Variants in EVC2 observed in about 807,000 individuals in gnomAD.
EVC2 encodes the protein EvC ciliary complex subunit 2.
EVC2 carries 148 observed loss-of-function variants against 149.3 expected under a neutral mutation model. That is an observed-to-expected ratio of 0.99 (90% CI 0.87 to 1.14). The LOEUF (loss-of-function observed/expected upper bound fraction) is 1.14, where lower values mean the gene tolerates loss of function less well. EVC2 is among the 50% of genes most tolerant of loss of function. The pLI is 0.00. For synonymous variants in EVC2, 776 were observed against 649.9 expected (o/e 1.19, Z -2.95); for missense variants, 1,854 against 1,627.3 (o/e 1.14, Z -2.40).
intron 8 of EVC2, among the ~76,000 whole-genome samples, chr4:5,664,388 G>A (rs1248713961): frequency 6.6e-6 from 1 of 152,144 alleles, no homozygotes; most frequent in Non-Finnish European, 1.5e-5. Flanking sequence ...GGGTCTTCAC[G>A]CCTTAAATCA....
rs1013386235 is a variant in EVC2 at position 5,591,370 on chromosome 4, A to T, written c.2830-6520T>A. Among the ~76,000 whole-genome samples, 4 of 152,192 alleles carry T rather than the reference A, an allele frequency of 2.6e-5. No individual in the cohort carries two copies. The East Asian group carries it at 7.7e-4, about 29-fold the overall frequency. ...TCTCCTTCCCAAATTTATGAACATCATCATGCTTCAGCTGACAGAAGTCTT... is the reference window on the plus strand; with the variant it reads ...TCTCCTTCCCAAATTTATGAACATCTTCATGCTTCAGCTGACAGAAGTCTT... On this transcript the variant is annotated intron_variant, in intron 16 of 21. Coordinates refer to ENST00000344408, the MANE Select transcript of EVC2 (RefSeq NM_147127.5).
the EVC2 span, among the ~76,000 whole-genome samples, chr4:5,535,648 C>T: frequency 5.9e-5 from 6 of 101,546 alleles, no homozygotes; most frequent in African/African-American, 2.4e-4. The surrounding 1 kb of genome is among the most constrained non-coding windows in gnomAD (Gnocchi z 4.7). Context: ...AGATAATCTC[C>T]TGTTCTTCCT....
chr4:5,587,471 G>A (rs533717749), intron 16 of EVC2, among the ~76,000 whole-genome samples: 1 of 152,254 alleles, frequency 6.6e-6, no homozygotes, highest in East Asian at 1.9e-4. Flanking sequence ...ATATTCCATT[G>A]GATGGACAAT....
rs145453790 is a variant in EVC2, at chr4:5,572,534, T to G, written c.3360+2151A>C. ...AAGGATGCAGCAACAATGCACCATCTTGGAAGCAGAGAGCAGTTCTCACCA... is the reference window on the plus strand; with the variant it reads ...AAGGATGCAGCAACAATGCACCATCGTGGAAGCAGAGAGCAGTTCTCACCA... On this transcript the variant is annotated intron_variant, in intron 19 of 21. Transcript: ENST00000344408. 2.1e-3 allele frequency among the ~76,000 whole-genome samples: 322 copies of G among 152,278 alleles called. No homozygotes were observed. The Middle Eastern group carries it at 0.024, about 11-fold the overall frequency.
chr4:5,685,523 C>A, intron 5 of EVC2, 44 bp from the exon 6 acceptor site: 1 of 1,562,504 alleles, frequency 6.4e-7, no homozygotes. Context: ...GGCTTGGCCA[C>A]GCCCCCGGCT....
Position 5,622,588 on chromosome 4 carries a change from G to A in EVC2, c.2450C>T (p.Ala817Val). The A allele has an allele frequency of 1.9e-6, 3 of 1,613,918 alleles. No individual in the cohort carries two copies. The highest frequency in any genetic ancestry group is 1.3e-5 in the African/African-American group (1 of 74,968). ...RQRLKDDAPE[A>V]VTEEQAELRR... Reference sequence around the variant, plus strand: ...CAGCTCTGCCTGCTCCTCTGTCACGGCCTCAGGAGCGTCATCCTTCAGTCT... The same window carrying A: ...CAGCTCTGCCTGCTCCTCTGTCACGACCTCAGGAGCGTCATCCTTCAGTCT... Residue 817 changes from alanine (A) to valine (V), a missense_variant, in exon 14 of 22, where the codon GCC becomes GTC. By Grantham distance (64) the Ala-to-Val change is moderately conservative. Transcript: ENST00000344408. The surrounding 1 kb of genome is among the most constrained non-coding windows in gnomAD (Gnocchi z 5.8).
intron 9 of EVC2, among the ~76,000 whole-genome samples, chr4:5,644,267 T>C (rs184669671): frequency 1.3e-5 from 2 of 152,314 alleles, no homozygotes; most frequent in African/African-American, 2.4e-5. Flanking sequence ...CCTTTAAAAA[T>C]TGAGACAAAA....
chr4:5,689,460 T>G (rs2151732078), intron 4 of EVC2, 117 bp from the exon 5 acceptor site: 2 of 1,024,624 alleles, frequency 2.0e-6, no homozygotes, highest in Non-Finnish European at 3.0e-6. Context: ...GGTAGCACGG[T>G]CTCGCAGAGG....
intron 16 of EVC2, among the ~76,000 whole-genome samples, chr4:5,603,969 C>T (rs1714192570): frequency 6.6e-6 from 1 of 152,184 alleles, no homozygotes; most frequent in Non-Finnish European, 1.5e-5. Context: ...TAGCCGAATG[C>T]AGGGATGGAC....
At chr4:5,541,230 G>A (rs1252292148), downstream of EVC2, among the ~76,000 whole-genome samples, 1 of 152,132 alleles carries the variant, frequency 6.6e-6, no homozygotes, top group African/African-American at 2.4e-5. Context: ...CTGCCTAGGA[G>A]GTGCCAGGCA....
At chr4:5,652,092 C>T (rs1156757311) in intron 9 of EVC2, among the ~76,000 whole-genome samples, 2 of 152,204 alleles carry the variant, frequency 1.3e-5, no homozygotes, top group African/African-American at 2.4e-5. Flanking sequence ...CAACCGAGTT[C>T]ACTGAAAAGG....
intron 17 of EVC2, among the ~76,000 whole-genome samples, chr4:5,583,368 A>G (rs1711972919): frequency 6.6e-6 from 1 of 152,198 alleles, no homozygotes; most frequent in African/African-American, 2.4e-5. Flanking sequence ...GCATGATAAA[A>G]TGAGTTGAGG....
chr4:5,650,072 G>A (rs1478360200), intron 9 of EVC2, among the ~76,000 whole-genome samples: 2 of 152,108 alleles, frequency 1.3e-5, no homozygotes, highest in Non-Finnish European at 2.9e-5. Flanking sequence ...ATCTTTCTTC[G>A]CTGACAATTT....
At chr4:5,631,580 T>C (rs1716538214) in intron 11 of EVC2, among the ~76,000 whole-genome samples, 1 of 149,856 alleles carries the variant, frequency 6.7e-6, no homozygotes, top group African/African-American at 2.4e-5. Context: ...GGGGGGGAAC[T>C]GAAATTCCAA....
chr4:5,535,601 A>AAGAGAGAGAGAGAGAGAG, the EVC2 span, among the ~76,000 whole-genome samples: 2,824 of 117,694 alleles, frequency 0.024, 32 homozygotes, highest in East Asian at 0.065. The surrounding 1 kb of genome is among the most constrained non-coding windows in gnomAD (Gnocchi z 4.7). Context: ...CATGCTTAGA[A>AAGAGAGAGAGAGAGAGAG]AGAGAGAGAG....
chr4:5,684,707 A>G (rs1720575296), intron 6 of EVC2, among the ~76,000 whole-genome samples: 1 of 152,180 alleles, frequency 6.6e-6, no homozygotes, highest in Non-Finnish European at 1.5e-5. Context: ...GTGTTTCCCA[A>G]AATTTATATG....
downstream of EVC2, among the ~76,000 whole-genome samples, chr4:5,562,111 G>C (rs1290699573): frequency 6.6e-6 from 1 of 152,216 alleles, no homozygotes; most frequent in African/African-American, 2.4e-5. The surrounding 1 kb of genome is among the most constrained non-coding windows in gnomAD (Gnocchi z 4.3). Context: ...TGTGAGGGCT[G>C]TTATGTGTCC....
intron 1 of EVC2, among the ~76,000 whole-genome samples, chr4:5,703,626 T>C (rs1721963430): frequency 6.6e-6 from 1 of 152,184 alleles, no homozygotes; most frequent in Non-Finnish European, 1.5e-5. Context: ...ATTCATTCAT[T>C]CAACAAATAC....
chr4:5,610,089 T>C (rs976494268), intron 16 of EVC2, among the ~76,000 whole-genome samples: 2 of 152,172 alleles, frequency 1.3e-5, no homozygotes, highest in Admixed American at 1.3e-4. Flanking sequence ...CATAGAGCAA[T>C]GACAGTGGCA....
Sources: allele counts gnomAD v4.1 joint callset (sites outside exome capture counted in the v4.1 genomes callset), GRCh38; gene constraint gnomAD v4.1.1; non-coding constraint Gnocchi (gnomAD v3.1); transcripts MANE v1.5; gene names NCBI Gene and HGNC (gene_info 2026-07-23, HGNC 2026-07-21).